CWH43: variants seen among roughly 807,000 people sequenced by gnomAD.
CWH43 encodes cell wall biogenesis 43 C-terminal homolog, also known as PGAP2-interacting protein.
CWH43 carries 91 observed loss-of-function variants against 85.7 expected under a neutral mutation model. The ratio of observed to expected loss-of-function variants is 1.06; its 90% CI spans 0.90 to 1.26. CWH43 has a LOEUF of 1.26. CWH43 is among the 50% of genes most tolerant of loss of function. The probability of loss-of-function intolerance (pLI) is 0.00; values close to 1 mark genes in which losing one functional copy is unlikely to be tolerated. For missense variants in CWH43, 869 were observed against 839.2 expected (o/e 1.04, Z -0.44); for synonymous variants, 323 against 293.6 (o/e 1.10, Z -1.02).
At chr4:48,990,732 C>T (rs1350826199) in intron 2 of CWH43, among the ~76,000 whole-genome samples, 18 of 152,112 alleles carry the variant, frequency 1.2e-4, no homozygotes, top group Non-Finnish European at 2.4e-4. Flanking sequence ...TTTGGCAAAG[C>T]GTGATAGAAG....
At chr4:49,017,214 T>G in intron 8 of CWH43, 35 bp from the exon 9 acceptor site, 1 of 1,547,578 alleles carries the variant, frequency 6.5e-7, no homozygotes, top group South Asian at 1.2e-5. Context: ...TTTATTTATT[T>G]TAAAAAAACC....
chr4:49,041,826 C>T (rs1784472865), intron 13 of CWH43, among the ~76,000 whole-genome samples: 1 of 152,234 alleles, frequency 6.6e-6, no homozygotes, highest in African/African-American at 2.4e-5. Flanking sequence ...TATGCCAGTT[C>T]CTCTGAAGGC....
At chr4:49,000,135 T>A (rs1192198450) in intron 6 of CWH43, among the ~76,000 whole-genome samples, 1 of 152,126 alleles carries the variant, frequency 6.6e-6, no homozygotes, top group Non-Finnish European at 1.5e-5. Flanking sequence ...TTAATACATG[T>A]TAATTAAGTT....
intron 8 of CWH43, 65 bp from the exon 9 acceptor site, chr4:49,017,184 T>G (rs1487059369): frequency 3.9e-5 from 54 of 1,386,350 alleles, no homozygotes; most frequent in Non-Finnish European, 1.6e-5. Flanking sequence ...TGAAGGTCAG[T>G]GTCAGCAAAT....
In CWH43 at chr4:48,994,821, G is replaced by T; in HGVS notation, c.713+1G>T. 1.2e-6 allele frequency: 2 copies of T among 1,613,492 alleles called. No individual in the cohort carries two copies. The highest frequency in any genetic ancestry group is 1.7e-6 in the Non-Finnish European group (2 of 1,179,866). ...CAGGGCCAGATCCTAACCCATTTGG[G>T]TGAGTTTGGGTTTGGAAGCAATCAC... is the stretch of plus-strand genomic sequence containing the variant. On this transcript the variant is annotated splice_donor_variant, in intron 5 of 15. Transcript: ENST00000226432. LOFTEE classifies it high-confidence loss of function.
At chr4:49,037,135 T>C (rs980581660) in intron 12 of CWH43, among the ~76,000 whole-genome samples, 2 of 152,164 alleles carry the variant, frequency 1.3e-5, no homozygotes, top group African/African-American at 2.4e-5. Flanking sequence ...ATGTAAAATA[T>C]GATGTCCTAT....
At chr4:49,024,456 T>A (rs972315329) in intron 9 of CWH43, among the ~76,000 whole-genome samples, 1 of 152,218 alleles carries the variant, frequency 6.6e-6, no homozygotes, top group Admixed American at 6.5e-5. Context: ...GTGAGATTTA[T>A]GCTTTATGGA....
intron 15 of CWH43, among the ~76,000 whole-genome samples, chr4:49,053,299 G>A (rs138603247): frequency 2.0e-4 from 30 of 152,254 alleles, no homozygotes; most frequent in African/African-American, 6.7e-4. Context: ...TCCTTTGGAT[G>A]TATACCAAGA....
At chr4:49,015,016 C>A (rs933962531) in intron 8 of CWH43, among the ~76,000 whole-genome samples, 3 of 152,122 alleles carry the variant, frequency 2.0e-5, no homozygotes, top group African/African-American at 7.2e-5. Flanking sequence ...CCTAAACATC[C>A]CCTGTGCCTC....
At chr4:49,042,549 G>A (rs1784496447) in intron 13 of CWH43, among the ~76,000 whole-genome samples, 1 of 152,202 alleles carries the variant, frequency 6.6e-6, no homozygotes, top group Non-Finnish European at 1.5e-5. Context: ...GAAGGGCAGT[G>A]AGAACTAGAG....
At chr4:49,028,466 A>G (rs1257299257) in intron 9 of CWH43, among the ~76,000 whole-genome samples, 163 bp from the exon 10 acceptor site, 5 of 152,248 alleles carry the variant, frequency 3.3e-5, no homozygotes, top group Admixed American at 6.5e-5. Flanking sequence ...AGAATGCCAT[A>G]TAGCAAATAT....
chr4:49,047,285 A>G (rs2605235), intron 14 of CWH43, among the ~76,000 whole-genome samples: 88,446 of 152,128 alleles, frequency 0.58, 28,917 homozygotes, highest in Admixed American at 0.75. Context: ...TTGCCATTCA[A>G]CAAGTATCGA....
At chr4:49,016,785 A>G (rs1783561199) in intron 8 of CWH43, 9 of 776,258 alleles carry the variant, frequency 1.2e-5, no homozygotes, top group Non-Finnish European at 2.2e-5. Flanking sequence ...AATGCAGGTG[A>G]TTACTCCAAG....
chr4:49,013,465 C>T (rs1438652382), intron 8 of CWH43, among the ~76,000 whole-genome samples: 5 of 152,234 alleles, frequency 3.3e-5, no homozygotes, highest in Non-Finnish European at 5.9e-5. Context: ...GGTGATGCCA[C>T]GCCCTACTTC....
At chr4:49,004,800 T>C (rs1179085738) in intron 7 of CWH43, among the ~76,000 whole-genome samples, 3 of 152,190 alleles carry the variant, frequency 2.0e-5, no homozygotes, top group African/African-American at 7.2e-5. Flanking sequence ...TGGTTATGAA[T>C]TTGCATACCA....
At chr4:48,989,074 T>C (rs1048711723) in intron 2 of CWH43, among the ~76,000 whole-genome samples, 1 of 152,110 alleles carries the variant, frequency 6.6e-6, no homozygotes, top group African/African-American at 2.4e-5. Flanking sequence ...AACAAGAAAC[T>C]AGGAAAAATA....
rs554426217 is a variant in CWH43 at position 49,057,188 on chromosome 4, G to A, written c.2022-4624G>A. Among the ~76,000 whole-genome samples the A allele has an allele frequency of 5.9e-5, 9 of 152,304 alleles. No individual in the cohort carries two copies. In the East Asian group the frequency reaches 1.7e-3, roughly 29 times the overall value. The stretch of plus-strand genomic sequence containing the variant: ...ATGCACACCTGTGACACAGCCTCAG[G>A]AGGTCCTGACGACATGTGCCTAAGG... On this transcript the variant is annotated intron_variant, in intron 15 of 15. Transcript: ENST00000226432.
chr4:49,004,745 A>G (rs1272381336), intron 7 of CWH43, among the ~76,000 whole-genome samples: 1 of 152,164 alleles, frequency 6.6e-6, no homozygotes, highest in Non-Finnish European at 1.5e-5. Context: ...CTTAGTGTAA[A>G]TGGTAAATCT....
At chr4:49,057,686 G>C (rs1412754666) in intron 15 of CWH43, among the ~76,000 whole-genome samples, 1 of 152,176 alleles carries the variant, frequency 6.6e-6, no homozygotes, top group Non-Finnish European at 1.5e-5. Context: ...CTATTTGAAT[G>C]ATTTATCCAT....
Sources: allele counts gnomAD v4.1 joint callset (sites outside exome capture counted in the v4.1 genomes callset), GRCh38; gene constraint gnomAD v4.1.1; transcripts MANE v1.5; gene names NCBI Gene and HGNC (gene_info 2026-07-23, HGNC 2026-07-21).